MBP: variants seen among roughly 807,000 people sequenced by gnomAD.
MBP encodes the protein myelin basic protein.
MBP carries 16 observed loss-of-function variants against 35.8 expected under a neutral mutation model. The ratio of observed to expected loss-of-function variants is 0.45; its 90% CI spans 0.30 to 0.68. The LOEUF (loss-of-function observed/expected upper bound fraction) is 0.68, where lower values mean the gene tolerates loss of function less well. MBP is among the 30% of genes least tolerant of loss of function. MBP has a pLI of 0.08. For synonymous variants in MBP, 143 were observed against 159.6 expected (o/e 0.90, Z 0.78); for missense variants, 380 against 404.7 (o/e 0.94, Z 0.52).
Position 76,988,384 on chromosome 18 carries a change from G to A in MBP, c.750+111C>T, listed in dbSNP as rs1361602046. Reference sequence around the variant, plus strand: ...AGCTGTGGGCAGAGAGGTCTCGAGAGGAGAGAAAAGGAGGCCAGGAAGCAA... The same window carrying A: ...AGCTGTGGGCAGAGAGGTCTCGAGAAGAGAGAAAAGGAGGCCAGGAAGCAA... On this transcript the variant is annotated intron_variant, in intron 7 of 8. Coordinates refer to ENST00000355994, the MANE Select transcript of MBP (RefSeq NM_001025101.2). The surrounding 1 kb of genome is among the most constrained non-coding windows in gnomAD (Gnocchi z 5.2). 2 of 1,613,594 alleles carry A rather than the reference G, an allele frequency of 1.2e-6. No homozygotes were observed. Among genetic ancestry groups the A allele is most frequent in the African/African-American group, 1.3e-5 (1 of 74,940 alleles).
chr18:77,037,818 G>A (rs774102310), intron 3 of MBP, among the ~76,000 whole-genome samples: 2 of 152,214 alleles, frequency 1.3e-5, no homozygotes, highest in East Asian at 1.9e-4. Flanking sequence ...TGACAGAGAC[G>A]TGGCCACATG....
intron 3 of MBP, among the ~76,000 whole-genome samples, chr18:77,033,244 A>C (rs1972605804): frequency 6.6e-6 from 1 of 152,096 alleles, no homozygotes; most frequent in African/African-American, 2.4e-5. Context: ...CTGGAGTTAC[A>C]GGTATGAGCC....
chr18:76,984,413 C>T (rs1433723042), intron 8 of MBP: 3 of 263,052 alleles, frequency 1.1e-5, no homozygotes, highest in Non-Finnish European at 2.3e-5. Context: ...CCCCCGACAC[C>T]CACGTCTGCT....
chr18:77,017,308 A>C (rs1336524982), intron 3 of MBP, 40 bp from the exon 4 acceptor site: 3 of 1,477,402 alleles, frequency 2.0e-6, no homozygotes, highest in Non-Finnish European at 2.7e-6. Flanking sequence ...GCCTGTGCAA[A>C]GCTGAGCACC....
At chr18:77,035,559 T>A (rs1357765420) in intron 3 of MBP, among the ~76,000 whole-genome samples, 1 of 152,192 alleles carries the variant, frequency 6.6e-6, no homozygotes, top group East Asian at 1.9e-4. Context: ...CGTGCATCAC[T>A]CATGCAGAGC....
chr18:77,025,787 A>C (rs1972196962), intron 3 of MBP, among the ~76,000 whole-genome samples: 1 of 144,112 alleles, frequency 6.9e-6, no homozygotes, highest in Non-Finnish European at 1.5e-5. Flanking sequence ...TCGCACAAGT[A>C]ACTTCCATCA....
At chr18:77,082,074 G>C (rs1015962363) in intron 2 of MBP, among the ~76,000 whole-genome samples, 39 of 151,670 alleles carry the variant, frequency 2.6e-4, no homozygotes, top group East Asian at 7.8e-4. Flanking sequence ...GGATGGTTTC[G>C]ATCTCCTGAC....
intron 2 of MBP, among the ~76,000 whole-genome samples, chr18:77,077,085 G>T (rs568685844): frequency 6.6e-6 from 1 of 152,258 alleles, no homozygotes; most frequent in African/African-American, 2.4e-5. Flanking sequence ...AACAGGCCAG[G>T]TGTGGTGGCT....
chr18:77,126,914 C>T (rs1252322823), intron 1 of MBP, among the ~76,000 whole-genome samples: 1 of 152,180 alleles, frequency 6.6e-6, no homozygotes, highest in Non-Finnish European at 1.5e-5. Context: ...GAGAGACAAC[C>T]TGTGATCATG....
intron 2 of MBP, among the ~76,000 whole-genome samples, chr18:77,077,063 A>C (rs1974682423): frequency 6.6e-6 from 1 of 152,136 alleles, no homozygotes. Context: ...GTTTGGTATA[A>C]AATTAAAATA....
chr18:76,997,895 G>GA (rs1279248815), intron 4 of MBP, among the ~76,000 whole-genome samples: 1 of 151,988 alleles, frequency 6.6e-6, no homozygotes, highest in Non-Finnish European at 1.5e-5. Context: ...TGTTAGCCAG[G>GA]ATGGTCTCGA....
Position 77,132,414 on chromosome 18 carries a change from G to A in MBP, c.-26+166C>T, listed in dbSNP as rs375404401. Among the ~76,000 whole-genome samples the A allele has an allele frequency of 8.2e-4, 125 of 152,310 alleles. 1 individual carries two copies. The highest frequency in any genetic ancestry group is 6.8e-3 in the Middle Eastern group (2 of 294). ...TCCCTGCGCGTCCCCAGCCAAGAAA[G>A]GGACCCGGAGTCCGGGCGTCGGGAT... On this transcript the variant is annotated intron_variant, in intron 1 of 8. Coordinates refer to ENST00000355994, the MANE Select transcript of MBP (RefSeq NM_001025101.2).
intron 8 of MBP, chr18:76,983,822 G>C (rs1969362531): frequency 6.6e-6 from 1 of 152,292 alleles, no homozygotes; most frequent in South Asian, 2.1e-4. Context: ...GTGGATCCCC[G>C]CTGCTGGGCA....
chr18:77,062,670 A>G (rs182926712), intron 3 of MBP, among the ~76,000 whole-genome samples: 161 of 152,332 alleles, frequency 1.1e-3, no homozygotes, highest in African/African-American at 3.8e-3. Flanking sequence ...TTTGGCCTTC[A>G]CAGAGACGAG....
intron 3 of MBP, among the ~76,000 whole-genome samples, chr18:77,037,756 G>A (rs1275520150): frequency 6.6e-6 from 1 of 152,198 alleles, no homozygotes; most frequent in East Asian, 1.9e-4. Context: ...TGCAGCCGAG[G>A]CGCCTGGAGT....
chr18:77,039,834 G>A (rs75532117), intron 3 of MBP, among the ~76,000 whole-genome samples: 4,190 of 152,286 alleles, frequency 0.028, 69 homozygotes, highest in South Asian at 0.041. Flanking sequence ...GAAGGGAAAC[G>A]CAGGGGTGGA....
chr18:77,119,183 G>A (rs977294817), intron 1 of MBP, among the ~76,000 whole-genome samples: 2 of 152,180 alleles, frequency 1.3e-5, no homozygotes, highest in African/African-American at 2.4e-5. Context: ...ACAGGCAGGG[G>A]CTTGGGGACC....
At chr18:77,096,345 G>A (rs1052369664) in intron 2 of MBP, among the ~76,000 whole-genome samples, 5 of 152,280 alleles carry the variant, frequency 3.3e-5, no homozygotes, top group Non-Finnish European at 5.9e-5. Flanking sequence ...AGAAAGAGTT[G>A]GGTTTTAATG....
chr18:77,014,988 G>A, intron 4 of MBP: 1 of 984,848 alleles, frequency 1.0e-6, no homozygotes, highest in Non-Finnish European at 1.2e-6. Context: ...TAATTGGCCA[G>A]CCCTGTTTTG....
Sources: gnomAD v4.1 joint callset for allele counts (sites outside exome capture counted in the v4.1 genomes callset) on GRCh38, gnomAD v4.1.1 for gene constraint, Gnocchi (gnomAD v3.1) non-coding constraint, MANE v1.5 for transcripts, NCBI Gene and HGNC (gene_info 2026-07-23, HGNC 2026-07-21) for gene names.